Variants in CEP85L observed in about 807,000 individuals in gnomAD.
CEP85L encodes the protein centrosomal protein 85L.
In CEP85L, 60 loss-of-function variants were observed where a neutral mutation model predicts 100.3. That is an observed-to-expected ratio of 0.60 (90% CI 0.49 to 0.74). The LOEUF (loss-of-function observed/expected upper bound fraction) is 0.74. CEP85L is among the 30% of genes least tolerant of loss of function. CEP85L has a pLI of 0.00. For missense variants in CEP85L, 973 were observed against 936.2 expected, an observed-to-expected ratio of 1.04 and a Z score of -0.51; for synonymous variants, 319 against 322.7, an observed-to-expected ratio of 0.99 and a Z score of 0.12.
chr6:118,621,504 A>G (rs1162812077), intron 2 of CEP85L, among the ~76,000 whole-genome samples: 1 of 152,124 alleles, frequency 6.6e-6, no homozygotes, highest in Non-Finnish European at 1.5e-5. Flanking sequence ...TTGGTCAGGC[A>G]CTGGCCCAAG....
chr6:118,570,671 C>T (rs1779836398), intron 2 of CEP85L, among the ~76,000 whole-genome samples: 1 of 152,152 alleles, frequency 6.6e-6, no homozygotes, highest in South Asian at 2.1e-4. Flanking sequence ...AGATTATGAT[C>T]CAGTAAGAGT....
In CEP85L at chr6:118,605,733, C is replaced by T. The variant is rs1048218740; in HGVS notation, c.232+26720G>A. ...GTGTGCATTAAGAGTGGAAAGACAGCTGGGCACCATGGCTCGGGCCTGTAA... is the reference window on the plus strand; with the variant it reads ...GTGTGCATTAAGAGTGGAAAGACAGTTGGGCACCATGGCTCGGGCCTGTAA... On this transcript the variant is annotated intron_variant, in intron 2 of 12. Transcript: ENST00000368491. Among the ~76,000 whole-genome samples, 12 of 152,262 alleles carry T rather than the reference C, an allele frequency of 7.9e-5. No homozygotes were observed. The East Asian group carries it at 1.9e-3, about 25-fold the overall frequency.
intron 5 of CEP85L, among the ~76,000 whole-genome samples, chr6:118,492,980 C>G (rs1774673638): frequency 6.6e-6 from 1 of 152,090 alleles, no homozygotes; most frequent in African/African-American, 2.4e-5. Flanking sequence ...TCACCCTTTA[C>G]AAACTCAAAT....
chr6:118,696,184 T>C (rs962464490), intron 1 of CEP85L, among the ~76,000 whole-genome samples: 1 of 151,836 alleles, frequency 6.6e-6, no homozygotes, highest in African/African-American at 2.4e-5. Flanking sequence ...GGCAGGAGAA[T>C]TGCTTAAACC....
At chr6:118,639,742 C>T (rs1365321468) in intron 1 of CEP85L, among the ~76,000 whole-genome samples, 1 of 152,174 alleles carries the variant, frequency 6.6e-6, no homozygotes, top group African/African-American at 2.4e-5. Flanking sequence ...GAGCTGCACA[C>T]TTATACAGGG....
intron 4 of CEP85L, among the ~76,000 whole-genome samples, chr6:118,517,753 G>A (rs1013756886): frequency 6.6e-6 from 1 of 152,142 alleles, no homozygotes; most frequent in African/African-American, 2.4e-5. Flanking sequence ...GATGGCCCTG[G>A]CCAGAACTTC....
chr6:118,692,368 T>G (rs1327740841), intron 1 of CEP85L, among the ~76,000 whole-genome samples: 1 of 152,172 alleles, frequency 6.6e-6, no homozygotes, highest in Non-Finnish European at 1.5e-5. Context: ...GGAAGAACTA[T>G]ATGTCCATAT....
intron 2 of CEP85L, among the ~76,000 whole-genome samples, chr6:118,570,594 C>A (rs980729494): frequency 1.3e-5 from 2 of 152,116 alleles, no homozygotes; most frequent in Non-Finnish European, 2.9e-5. Context: ...TCCTAAAATT[C>A]CCTTATTACA....
chr6:118,558,391 CTT>C (rs1779001724), intron 3 of CEP85L, among the ~76,000 whole-genome samples: 1 of 151,996 alleles, frequency 6.6e-6, no homozygotes, highest in Non-Finnish European at 1.5e-5. Context: ...GAACTTAACT[CTT>C]GTTTACATCA....
At chr6:118,475,736 A>G (rs1773320051) in intron 10 of CEP85L, among the ~76,000 whole-genome samples, 1 of 152,278 alleles carries the variant, frequency 6.6e-6, no homozygotes, top group Non-Finnish European at 1.5e-5. Context: ...GTTTATAAGT[A>G]TATCTACCAA....
chr6:118,464,603 T>A lies in CEP85L; in HGVS notation c.*802A>T, dbSNP rs1458200327. On this transcript the variant is annotated 3_prime_UTR_variant, in exon 13 of 13. Coordinates refer to ENST00000368491, the MANE Select transcript of CEP85L (RefSeq NM_001042475.3). ...GTTTACATTTATATATGTATATATA[T>A]AAAACATATAAATAAAAAATTGTAA... The A allele has an allele frequency of 6.6e-6, 1 of 151,752 alleles. No individual in the cohort carries two copies. Among genetic ancestry groups the A allele is most frequent in the African/African-American group, 2.4e-5 (1 of 41,356 alleles). 9.4% of individuals were successfully genotyped at this position (151,752 alleles called of 1,614,324 possible). A position where few individuals can be genotyped will look rare whatever the true frequency, so the allele number is the denominator to read the frequency against.
In CEP85L at chr6:118,632,580, A is replaced by C. The variant is rs1774234647; in HGVS notation, c.105T>G (p.Ala35=). ...GPDYSSAWLP[A]NESLWQATTV... is the part of the protein sequence containing the mutation. ...TTGTGGCCTGCCACAATGATTCATT[A>C]GCAGGTAGCCATGCTGATGAATAAT... is the stretch of plus-strand genomic sequence containing the variant. The change falls in exon 2 of 13, where the codon GCT becomes GCG. Residue 35 remains alanine (A), a synonymous_variant. Coordinates refer to ENST00000368491, the MANE Select transcript of CEP85L (RefSeq NM_001042475.3). 6.2e-7 allele frequency: 1 copy of C among 1,612,410 alleles called. No individual in the cohort carries two copies.
At chr6:118,704,549 T>C (rs1430337251) in intron 1 of CEP85L, among the ~76,000 whole-genome samples, 1 of 152,160 alleles carries the variant, frequency 6.6e-6, no homozygotes, top group African/African-American at 2.4e-5. Flanking sequence ...GCTCACTGCA[T>C]CCTCCGCCTC....
At position 118,469,793 on chromosome 6, in the gene CEP85L, G is replaced by A. The variant is rs144122240; in HGVS notation, c.2023-490C>T. 8.6e-3 allele frequency among the ~76,000 whole-genome samples: 1,307 copies of A among 152,100 alleles called. 11 individuals carry two copies. The highest frequency in any genetic ancestry group is 0.014 in the Non-Finnish European group (983 of 67,988). On this transcript the variant is annotated intron_variant, in intron 11 of 12. Coordinates refer to ENST00000368491, the MANE Select transcript of CEP85L (RefSeq NM_001042475.3). ...ATTTTTGCATTTTTTGTAGAGAGAG[G>A]GTTTTGTCACATTGCCTAAGCTGGT...
At chr6:118,698,046 A>C (rs528005837) in intron 1 of CEP85L, among the ~76,000 whole-genome samples, 1 of 152,228 alleles carries the variant, frequency 6.6e-6, no homozygotes, top group Admixed American at 6.5e-5. Context: ...CATATAAAAA[A>C]AGCTGCAGCC....
At chr6:118,680,363 A>AC (rs1562356227) in intron 1 of CEP85L, among the ~76,000 whole-genome samples, 2 of 139,300 alleles carry the variant, frequency 1.4e-5, no homozygotes, top group African/African-American at 2.8e-5. Context: ...TTAAAAAAAA[A>AC]AATCTGTTAA....
At chr6:118,556,060 A>G (rs2114954302) in intron 3 of CEP85L, among the ~76,000 whole-genome samples, 1 of 152,308 alleles carries the variant, frequency 6.6e-6, no homozygotes, top group Middle Eastern at 3.4e-3. Context: ...ACTGATGAGC[A>G]CTTAGGCCGG....
chr6:118,695,562 C>G (rs1254732591), intron 1 of CEP85L, among the ~76,000 whole-genome samples: 6 of 152,174 alleles, frequency 3.9e-5, no homozygotes, highest in African/African-American at 1.4e-4. Flanking sequence ...CTCACAAGTA[C>G]CCAAGTGATG....
intron 4 of CEP85L, among the ~76,000 whole-genome samples, chr6:118,523,325 G>A (rs943038852): frequency 9.2e-5 from 14 of 151,958 alleles, no homozygotes; most frequent in African/African-American, 3.1e-4. Flanking sequence ...ATTTTAGAAC[G>A]TCCCCCAAAA....
Sources: gnomAD v4.1 joint callset for allele counts (sites outside exome capture counted in the v4.1 genomes callset) on GRCh38, gnomAD v4.1.1 for gene constraint, MANE v1.5 for transcripts, NCBI Gene and HGNC (gene_info 2026-07-23, HGNC 2026-07-21) for gene names.